The following SAMMSON variants were observed in gnomAD, a reference collection of about 807,000 sequenced individuals.
SAMMSON encodes long intergenic non-protein coding RNA 1212.
chr3:70,362,720 C>A (rs2106740857), intron 9 of SAMMSON, among the ~76,000 whole-genome samples: 3 of 151,648 alleles, frequency 2.0e-5, no homozygotes, highest in Middle Eastern at 7.0e-3. Flanking sequence ...TTGCTTCTTA[C>A]CTACATATTC....
At chr3:70,180,802 T>C (rs1379235777) in intron 4 of SAMMSON, among the ~76,000 whole-genome samples, 1 of 152,076 alleles carries the variant, frequency 6.6e-6, no homozygotes, top group Non-Finnish European at 1.5e-5. Flanking sequence ...GAGTTACAGA[T>C]TCAATTAAGT....
rs77882363 is a variant in SAMMSON at position 70,318,596 on chromosome 3, T to C, written n.739+27353T>C. Among the ~76,000 whole-genome samples, 753 of 152,112 alleles carry C rather than the reference T, an allele frequency of 5.0e-3. 3 individuals carry two copies. Among genetic ancestry groups the C allele is most frequent in the Non-Finnish European group, 7.7e-3 (520 of 67,950 alleles). On this transcript the variant is annotated intron_variant and non_coding_transcript_variant, in intron 7 of 9. Coordinates refer to ENST00000642114, the Ensembl canonical transcript of SAMMSON. The stretch of plus-strand genomic sequence containing the variant: ...TATTATACCTAGTTTAAAGTCACTT[T>C]CTGGCAACTCCAACATCTGGGTCTT...
At chr3:70,282,567 T>G (rs1487289693) in intron 6 of SAMMSON, among the ~76,000 whole-genome samples, 3 of 152,186 alleles carry the variant, frequency 2.0e-5, no homozygotes, top group Non-Finnish European at 4.4e-5. Flanking sequence ...CCAAGCAGTC[T>G]CCTGAATCAG....
intron 6 of SAMMSON, among the ~76,000 whole-genome samples, chr3:70,287,963 G>C (rs934308177): frequency 6.6e-6 from 1 of 151,756 alleles, no homozygotes; most frequent in Non-Finnish European, 1.5e-5. Context: ...TTCTTTATTA[G>C]TCTTGCTAGC....
At chr3:70,023,423 T>A (rs923437452) in intron 3 of SAMMSON, among the ~76,000 whole-genome samples, 1 of 151,666 alleles carries the variant, frequency 6.6e-6, no homozygotes, top group African/African-American at 2.4e-5. Context: ...ATTGCTCCAG[T>A]GCACTCCAGC....
chr3:70,028,079 T>G (rs962370860), intron 3 of SAMMSON, among the ~76,000 whole-genome samples: 35 of 150,552 alleles, frequency 2.3e-4, no homozygotes, highest in African/African-American at 8.2e-4. Context: ...CTGCCTGCCT[T>G]CCTTCTTTCC....
chr3:70,191,379 A>G (rs973556571), intron 4 of SAMMSON, among the ~76,000 whole-genome samples: 3 of 152,198 alleles, frequency 2.0e-5, no homozygotes, highest in African/African-American at 4.8e-5. Flanking sequence ...ATGCTCCTAG[A>G]ACCCTCTGGT....
At chr3:70,403,134 T>C (rs1229425208) in intron 2 of SAMMSON, among the ~76,000 whole-genome samples, 2 of 152,148 alleles carry the variant, frequency 1.3e-5, no homozygotes, top group African/African-American at 4.8e-5. Context: ...CATTATTATT[T>C]TGCATAATGA....
chr3:70,271,438 C>A (rs1701974928), intron 6 of SAMMSON, among the ~76,000 whole-genome samples: 1 of 152,164 alleles, frequency 6.6e-6, no homozygotes, highest in Admixed American at 6.5e-5. Flanking sequence ...ATCATCAAAT[C>A]TGTTTTTCAG....
At chr3:70,405,337 C>T (rs1171921427) in intron 2 of SAMMSON, among the ~76,000 whole-genome samples, 1 of 152,122 alleles carries the variant, frequency 6.6e-6, no homozygotes, top group Non-Finnish European at 1.5e-5. Context: ...AAAATCCTGG[C>T]ATTTAACAAT....
At chr3:70,338,466 G>A (rs184097125) in intron 7 of SAMMSON, among the ~76,000 whole-genome samples, 4 of 151,852 alleles carry the variant, frequency 2.6e-5, no homozygotes, top group East Asian at 1.9e-4. Context: ...CAAATTGTCC[G>A]TGTTTGCAGA....
intron 4 of SAMMSON, among the ~76,000 whole-genome samples, chr3:70,198,140 T>C (rs930056660): frequency 6.6e-6 from 1 of 152,162 alleles, no homozygotes; most frequent in South Asian, 2.1e-4. Flanking sequence ...TGTGATATAT[T>C]ACCTAATTAA....
intron 2 of SAMMSON, among the ~76,000 whole-genome samples, chr3:70,406,831 A>G (rs982722693): frequency 1.3e-5 from 2 of 152,240 alleles, no homozygotes. Context: ...ACAGGTAGAA[A>G]ACAATGAGTG....
intron 4 of SAMMSON, among the ~76,000 whole-genome samples, chr3:70,086,731 C>A (rs2067286690): frequency 6.6e-6 from 1 of 152,210 alleles, no homozygotes; most frequent in African/African-American, 2.4e-5. Context: ...AATGTCCTTG[C>A]TGGAGAAGTC....
intron 4 of SAMMSON, among the ~76,000 whole-genome samples, chr3:70,115,042 C>T (rs1312548548): frequency 6.6e-6 from 1 of 151,874 alleles, no homozygotes; most frequent in Non-Finnish European, 1.5e-5. Flanking sequence ...CTTACGTAAA[C>T]TTTGATAACA....
At chr3:70,340,204 G>A (rs181647717) in intron 7 of SAMMSON, among the ~76,000 whole-genome samples, 4 of 143,358 alleles carry the variant, frequency 2.8e-5, no homozygotes, top group Non-Finnish European at 4.5e-5. Flanking sequence ...AGAACACTTG[G>A]ACACAGGGTG....
chr3:70,163,150 G>A (rs932256522), intron 4 of SAMMSON, among the ~76,000 whole-genome samples: 3 of 151,318 alleles, frequency 2.0e-5, no homozygotes, highest in Non-Finnish European at 4.4e-5. Flanking sequence ...TCAACGCAAT[G>A]ATTGATATAG....
chr3:70,051,063 A>G (rs1160557079), intron 3 of SAMMSON, among the ~76,000 whole-genome samples: 1 of 132,910 alleles, frequency 7.5e-6, no homozygotes, highest in Non-Finnish European at 1.5e-5. Flanking sequence ...TGAACCCAGG[A>G]GATGGAGGTT....
chr3:70,372,224 T>A lies in SAMMSON; in HGVS notation n.913+13900T>A, dbSNP rs149626587. Among the ~76,000 whole-genome samples the A allele has an allele frequency of 2.6e-3, 395 of 152,210 alleles. 2 individuals are homozygous for A. The highest frequency in any genetic ancestry group is 9.2e-3 in the African/African-American group (383 of 41,560). On this transcript the variant is annotated intron_variant and non_coding_transcript_variant, in intron 9 of 9. Transcript: ENST00000642114. ...AATGCTTTTTCTGCATCAATTGATA[T>A]GATTCCATAATTTTTATTCCTTAAT...
Sources: allele counts gnomAD v4.1 joint callset (sites outside exome capture counted in the v4.1 genomes callset), GRCh38; gene constraint gnomAD v4.1.1; transcripts MANE v1.5; gene names NCBI Gene and HGNC (gene_info 2026-07-23, HGNC 2026-07-21).